CDK5RAP1: variants seen among roughly 807,000 people sequenced by gnomAD.
CDK5RAP1 encodes CDK5RAP1 mitochondrial tRNA methylthiotransferase.
Under a neutral mutation model 64.5 loss-of-function variants are expected in CDK5RAP1, and 62 were observed. That is an observed-to-expected ratio of 0.96 (90% CI 0.78 to 1.19). The LOEUF (loss-of-function observed/expected upper bound fraction) is 1.19. Among genes scored for constraint, CDK5RAP1 ranks in the 50% most tolerant of loss-of-function variants. The probability of loss-of-function intolerance (pLI) is 0.00; values close to 1 mark genes in which losing one functional copy is unlikely to be tolerated. For synonymous variants in CDK5RAP1, 250 were observed against 261.9 expected (o/e 0.95, Z 0.44); for missense variants, 657 against 735.0 (o/e 0.89, Z 1.23).
chr20:33,399,088 T>C (rs1989159566), intron 1 of CDK5RAP1, among the ~76,000 whole-genome samples: 1 of 152,000 alleles, frequency 6.6e-6, no homozygotes, highest in African/African-American at 2.4e-5. Context: ...ATCTCTAGAA[T>C]GCATAAGAAA....
At chr20:33,393,025 G>C (rs1040690371) in intron 4 of CDK5RAP1, among the ~76,000 whole-genome samples, 1 of 151,848 alleles carries the variant, frequency 6.6e-6, no homozygotes, top group South Asian at 2.1e-4. Flanking sequence ...GATTACAGGC[G>C]TGCACCACCA....
intron 10 of CDK5RAP1, 125 bp from the exon 11 acceptor site, chr20:33,370,754 G>T: frequency 1.1e-6 from 1 of 945,668 alleles, no homozygotes; most frequent in Non-Finnish European, 1.6e-6. Context: ...CTATTCATAA[G>T]TAAAACAAAA....
intron 10 of CDK5RAP1, among the ~76,000 whole-genome samples, chr20:33,371,575 G>GT (rs1157614012): frequency 1.3e-5 from 2 of 152,104 alleles, no homozygotes; most frequent in Non-Finnish European, 2.9e-5. Context: ...ATCACTTGAG[G>GT]TCAGGAGTTC....
rs377029678 is a variant in CDK5RAP1, at chr20:33,394,479, C to CT, written c.409-414dup. On this transcript the variant is annotated intron_variant, in intron 3 of 13. Coordinates refer to ENST00000346416, the MANE Select transcript of CDK5RAP1 (RefSeq NM_016408.4). ...TTATTTTTCTTTAACTATTTTTTTC[C>CT]TTTTTTTTTTTTTTTAATAGAGAAA... Among the ~76,000 whole-genome samples the CT allele has an allele frequency of 2.5e-3, 350 of 140,472 alleles. 2 individuals are homozygous for CT. Among genetic ancestry groups the CT allele is most frequent in the African/African-American group, 5.3e-3 (202 of 38,308 alleles). 92.2% of individuals were successfully genotyped at this position (140,472 alleles called of 152,430 possible).
Position 33,370,648 on chromosome 20 carries a change from G to GAT in CDK5RAP1, c.1262-21_1262-20dup. The stretch of plus-strand genomic sequence containing the variant: ...CTCACACCTGTGATACACAGCAAAG[G>GAT]ATGACAGGTGACTGCCTGCTGTTTA... On this transcript the variant is annotated intron_variant, in intron 10 of 13. Transcript: ENST00000346416. 1.2e-6 allele frequency: 2 copies of GAT among 1,613,932 alleles called. No homozygotes were observed. Among genetic ancestry groups the GAT allele is most frequent in the Middle Eastern group, 3.3e-4 (2 of 6,062 alleles).
intron 12 of CDK5RAP1, 125 bp from the exon 13 acceptor site, chr20:33,360,616 G>A: frequency 1.2e-6 from 1 of 804,818 alleles, no homozygotes; most frequent in East Asian, 2.5e-5. Flanking sequence ...CTTAACCAAG[G>A]AATCACTGAA....
intron 1 of CDK5RAP1, among the ~76,000 whole-genome samples, chr20:33,399,861 T>A (rs984220235): frequency 6.6e-6 from 1 of 152,054 alleles, no homozygotes; most frequent in Non-Finnish European, 1.5e-5. Context: ...CCATGTTTAT[T>A]TGTTGTCTCT....
Position 33,358,927 on chromosome 20 carries a change from C to T in CDK5RAP1, c.*116G>A, listed in dbSNP as rs41287064. ...CACGTTTTCCACTGACATAAAGTTG[C>T]TTCGCCCCTTGCAGCTTATCTCCAC... On this transcript the variant is annotated 3_prime_UTR_variant, in exon 14 of 14. Coordinates refer to ENST00000346416, the MANE Select transcript of CDK5RAP1 (RefSeq NM_016408.4). 0.02 allele frequency: 14,335 copies of T among 724,906 alleles called. 193 individuals are homozygous for T. The highest frequency in any genetic ancestry group is 0.033 in the Middle Eastern group (84 of 2,556). 44.9% of individuals were successfully genotyped at this position (724,906 alleles called of 1,614,324 possible).
intron 12 of CDK5RAP1, among the ~76,000 whole-genome samples, chr20:33,361,495 A>G (rs1377090095): frequency 1.3e-5 from 2 of 152,170 alleles, no homozygotes; most frequent in African/African-American, 4.8e-5. Flanking sequence ...CAGAACTCAC[A>G]TGTGGCCTGG....
intron 5 of CDK5RAP1, among the ~76,000 whole-genome samples, chr20:33,388,644 C>T (rs1987813794): frequency 6.6e-6 from 1 of 151,162 alleles, no homozygotes; most frequent in South Asian, 2.1e-4. Context: ...CTCCCTCTCC[C>T]TCTCTTTCCA....
intron 10 of CDK5RAP1, among the ~76,000 whole-genome samples, chr20:33,372,261 G>A (rs1298526397): frequency 2.4e-5 from 3 of 125,918 alleles, no homozygotes; most frequent in African/African-American, 6.3e-5. Flanking sequence ...AATAAGAATA[G>A]TAAGTTCTTA....
chr20:33,370,308 G>T (rs1243330431), intron 11 of CDK5RAP1, among the ~76,000 whole-genome samples, 191 bp downstream of exon 11: 1 of 152,190 alleles, frequency 6.6e-6, no homozygotes, highest in African/African-American at 2.4e-5. Context: ...CAGTAATCAT[G>T]TATCATCAAA....
intron 5 of CDK5RAP1, among the ~76,000 whole-genome samples, chr20:33,389,382 G>A (rs1041731218): frequency 6.6e-6 from 1 of 150,582 alleles, no homozygotes; most frequent in Non-Finnish European, 1.5e-5. Context: ...GAGCCCCTCC[G>A]CGCGGCAGCC....
At chr20:33,391,921 C>T (rs1988369449) in intron 5 of CDK5RAP1, among the ~76,000 whole-genome samples, 1 of 152,162 alleles carries the variant, frequency 6.6e-6, no homozygotes, top group South Asian at 2.1e-4. Flanking sequence ...GCAGGATATA[C>T]CACTTTCTGA....
At position 33,378,505 on chromosome 20, in the gene CDK5RAP1, T is replaced by C. The variant is rs1414678286; in HGVS notation, c.1107+956A>G. On this transcript the variant is annotated intron_variant, in intron 8 of 13. Transcript: ENST00000346416. Reference sequence around the variant, plus strand: ...ACAGAGACATGAAGTAAGCACATGCTGTTGGAAAAATGGTGCTGACAGACT... The same window carrying C: ...ACAGAGACATGAAGTAAGCACATGCCGTTGGAAAAATGGTGCTGACAGACT... Among the ~76,000 whole-genome samples the C allele has an allele frequency of 2.0e-5, 3 of 152,192 alleles. No homozygotes were observed. The East Asian group carries it at 5.8e-4, about 29-fold the overall frequency.
intron 12 of CDK5RAP1, among the ~76,000 whole-genome samples, chr20:33,363,488 G>A (rs1983312750): frequency 6.6e-6 from 1 of 152,058 alleles, no homozygotes. Context: ...GGGGGTTTGG[G>A]GACATCAGGG....
rs1342538987 is a variant in CDK5RAP1 at position 33,395,750 on chromosome 20, C to T, written c.305-634G>A. 7.9e-5 allele frequency among the ~76,000 whole-genome samples: 12 copies of T among 152,284 alleles called. 1 individual carries two copies. The highest frequency in any genetic ancestry group is 5.9e-4 in the Admixed American group (9 of 15,290). On this transcript the variant is annotated intron_variant, in intron 2 of 13. Coordinates refer to ENST00000346416, the MANE Select transcript of CDK5RAP1 (RefSeq NM_016408.4). Reference sequence around the variant, plus strand: ...GGACTAGGCCGAGGGTGGTGGCTCACGCCTGTAATCCCAGCACTTTGGGAG... The same window carrying T: ...GGACTAGGCCGAGGGTGGTGGCTCATGCCTGTAATCCCAGCACTTTGGGAG...
chr20:33,366,592 A>G (rs1219057925), intron 12 of CDK5RAP1, among the ~76,000 whole-genome samples: 1 of 152,226 alleles, frequency 6.6e-6, no homozygotes, highest in Non-Finnish European at 1.5e-5. Flanking sequence ...AGCCTGGTCA[A>G]AAGAGCGAGA....
intron 8 of CDK5RAP1, among the ~76,000 whole-genome samples, chr20:33,378,864 G>GT (rs1166275321): frequency 1.3e-5 from 2 of 152,064 alleles, no homozygotes; most frequent in Non-Finnish European, 2.9e-5. Flanking sequence ...TGCCCACTTT[G>GT]TAACAAATCC....
Sources: gnomAD v4.1 joint callset for allele counts (sites outside exome capture counted in the v4.1 genomes callset) on GRCh38, gnomAD v4.1.1 for gene constraint, MANE v1.5 for transcripts, NCBI Gene and HGNC (gene_info 2026-07-23, HGNC 2026-07-21) for gene names.